The following CUX1 variants were observed in gnomAD, a reference collection of about 807,000 sequenced individuals.
The protein encoded by CUX1 is protein CASP.
Under a neutral mutation model 158.8 loss-of-function variants are expected in CUX1, and 31 were observed. That is an observed-to-expected ratio of 0.20 (90% confidence interval 0.15 to 0.26). The LOEUF is 0.26. CUX1 is among the 10% of genes least tolerant of loss of function. The pLI, the probability that CUX1 is intolerant of heterozygous loss-of-function variation, is 1.00. For synonymous variants in CUX1, 879 were observed against 862.1 expected (o/e 1.02, Z -0.34); for missense variants, 1,589 against 2,014.6 (o/e 0.79, Z 4.04).
At chr7:101,972,795 G>C (rs1374369153) in intron 2 of CUX1, among the ~76,000 whole-genome samples, 1 of 152,214 alleles carries the variant, frequency 6.6e-6, no homozygotes, top group East Asian at 1.9e-4. Context: ...CTGTCAGTAG[G>C]TGTCAGGAGG....
At chr7:101,997,192 G>C (rs1415475742) in intron 2 of CUX1, among the ~76,000 whole-genome samples, 1 of 151,732 alleles carries the variant, frequency 6.6e-6, no homozygotes, top group African/African-American at 2.4e-5. Context: ...GACAAATCAG[G>C]TTCTCCCCGT....
chr7:101,917,209 A>G (rs933545554), intron 2 of CUX1, among the ~76,000 whole-genome samples: 3 of 152,226 alleles, frequency 2.0e-5, no homozygotes, highest in South Asian at 4.1e-4. Flanking sequence ...TACTTACATA[A>G]TATTGCTGGG....
chr7:102,248,307 T>C lies in CUX1; in HGVS notation c.3888-105T>C. 1 of 1,113,194 alleles carries C rather than the reference T, an allele frequency of 9.0e-7. No individual in the cohort carries two copies. Among genetic ancestry groups the C allele is most frequent in the East Asian group, 3.0e-5 (1 of 33,082 alleles). The allele number at this position is 1,113,194 out of a possible 1,614,324, so 69.0% of individuals were successfully genotyped here. On this transcript the variant is annotated intron_variant, in intron 23 of 23. Coordinates refer to ENST00000292535, the MANE Select transcript of CUX1 (RefSeq NM_181552.4). The surrounding 1 kb of genome is among the most constrained non-coding windows in gnomAD (Gnocchi z 5.8). The stretch of plus-strand genomic sequence containing the variant: ...GAGGGGCACGGAGGGGCCTCCAGGC[T>C]GGACGGAGCAGGAGCCCCAGAGAGA...
intron 1 of CUX1, among the ~76,000 whole-genome samples, chr7:101,890,619 T>G (rs1800778893): frequency 6.6e-6 from 1 of 152,114 alleles, no homozygotes; most frequent in South Asian, 2.1e-4. Flanking sequence ...GGAAAAACGG[T>G]GAGTCCCTTT....
intron 16 of CUX1, 29 bp from the exon 17 acceptor site, chr7:102,200,042 G>T: frequency 1.3e-6 from 2 of 1,582,044 alleles, no homozygotes; most frequent in African/African-American, 1.4e-5. Flanking sequence ...GTTTGGGTTT[G>T]ATGTCATTGG....
At chr7:102,224,144 G>C (rs1451513154) in intron 20 of CUX1, among the ~76,000 whole-genome samples, 1 of 152,230 alleles carries the variant, frequency 6.6e-6, no homozygotes, top group Admixed American at 6.5e-5. Context: ...GCAGATGTCT[G>C]TTGGCGAGTA....
chr7:102,014,097 C>T (rs1299397593), intron 2 of CUX1, among the ~76,000 whole-genome samples: 2 of 152,098 alleles, frequency 1.3e-5, no homozygotes, highest in Admixed American at 6.6e-5. Context: ...CCGTGTGTAT[C>T]CTTCAGGTCC....
chr7:102,005,480 G>A (rs930750639), intron 2 of CUX1, among the ~76,000 whole-genome samples: 1 of 152,138 alleles, frequency 6.6e-6, no homozygotes, highest in African/African-American at 2.4e-5. Context: ...AACCACAGGT[G>A]TGCACCACTG....
chr7:102,178,494 G>T lies in CUX1; in HGVS notation c.854G>T (p.Arg285Leu). The change falls in exon 11 of 24, where the codon CGC becomes CTC. Residue 285 changes from arginine (R) to leucine (L), a missense_variant. Physicochemically the swap from Arg to Leu is moderately radical, Grantham distance 102. This residue lies in a region of CUX1 where 515 missense variants were observed against 574.4 expected (regional missense o/e 0.90). Transcript: ENST00000292535. ...DVEQAIEVLT[R>L]SSLEVELAAK... ...GAGCAGGCCATAGAGGTGCTGACCC[G>T]CTCCAGCCTAGAAGTTGAGTTGGCC... The T allele has an allele frequency of 1.9e-6, 3 of 1,610,240 alleles. No individual in the cohort carries two copies. Among genetic ancestry groups the T allele is most frequent in the Non-Finnish European group, 2.5e-6 (3 of 1,177,008 alleles).
chr7:101,874,594 C>T (rs1170153242), intron 1 of CUX1, among the ~76,000 whole-genome samples: 1 of 152,162 alleles, frequency 6.6e-6, no homozygotes, highest in Non-Finnish European at 1.5e-5. Flanking sequence ...GCGGTATCAT[C>T]CTGGTTTTTC....
rs149595180 is a variant in CUX1, at chr7:101,875,943, A to G, written c.31-40172A>G. Reference sequence around the variant, plus strand: ...TATGGTGAAGGGAGTAAAGATGGCCATGAATCCTATGACTGCCGATGGTTT... The same window carrying G: ...TATGGTGAAGGGAGTAAAGATGGCCGTGAATCCTATGACTGCCGATGGTTT... On this transcript the variant is annotated intron_variant, in intron 1 of 23. Coordinates refer to ENST00000292535, the MANE Select transcript of CUX1 (RefSeq NM_181552.4). 6.8e-3 allele frequency among the ~76,000 whole-genome samples: 1,040 copies of G among 152,312 alleles called. 14 individuals carry two copies. The highest frequency in any genetic ancestry group is 0.024 in the African/African-American group (992 of 41,560).
At position 102,104,416 on chromosome 7, in the gene CUX1, G is replaced by A. The variant is rs781895519; in HGVS notation, c.487G>A (p.Glu163Lys). The A allele has an allele frequency of 3.1e-6, 5 of 1,612,904 alleles. No individual in the cohort carries two copies. The highest frequency in any genetic ancestry group is 4.5e-5 in the East Asian group (2 of 44,876). The change falls in exon 6 of 24, where the codon GAG becomes AAG. Residue 163 changes from glutamate (E) to lysine (K), a missense_variant. Physicochemically the swap from Glu to Lys is moderately conservative, Grantham distance 56 (BLOSUM62 1). Coordinates refer to ENST00000292535, the MANE Select transcript of CUX1 (RefSeq NM_181552.4). ...GAACCAAGCCGAAACCATAGCTCTT[G>A]AGAAGGAACAGAAGTTACAGAATGA... Reference protein sequence around the residue: ...LKNQAETIALEKEQKLQNDFA... With the variant: ...LKNQAETIALKKEQKLQNDFA...
At chr7:101,943,762 T>C (rs1269823520) in intron 2 of CUX1, among the ~76,000 whole-genome samples, 1 of 151,934 alleles carries the variant, frequency 6.6e-6, no homozygotes, top group Non-Finnish European at 1.5e-5. Flanking sequence ...TGATCTAATA[T>C]TGGTCTCTGC....
intron 2 of CUX1, among the ~76,000 whole-genome samples, chr7:102,003,334 A>ACG (rs1554448404): frequency 2.0e-5 from 3 of 146,658 alleles, no homozygotes; most frequent in African/African-American, 7.8e-5. Flanking sequence ...ACACACACAC[A>ACG]CGCCCGCCCC....
intron 6 of CUX1, among the ~76,000 whole-genome samples, chr7:102,107,908 T>C (rs907003387): frequency 1.8e-4 from 27 of 152,308 alleles, no homozygotes; most frequent in Admixed American, 1.5e-3. Context: ...GCATCCATCG[T>C]CCCTGGGGGA....
At chr7:102,046,702 G>A (rs934664083) in intron 3 of CUX1, among the ~76,000 whole-genome samples, 1 of 151,100 alleles carries the variant, frequency 6.6e-6, no homozygotes, top group Non-Finnish European at 1.5e-5. Context: ...TCAGCCTCCT[G>A]AGTGGCTGGG....
At position 101,871,169 on chromosome 7, in the gene CUX1, C is replaced by G. The variant is rs1253709418; in HGVS notation, c.31-44946C>G. On this transcript the variant is annotated intron_variant, in intron 1 of 23. Transcript: ENST00000292535. ...TCCTAGCATCCGTGGTTCAGGAGATCCTGCTACATTTTCCTGACTGCCTTG... is the reference window on the plus strand; with the variant it reads ...TCCTAGCATCCGTGGTTCAGGAGATGCTGCTACATTTTCCTGACTGCCTTG... 2.6e-5 allele frequency among the ~76,000 whole-genome samples: 4 copies of G among 152,166 alleles called. No individual in the cohort carries two copies. The East Asian group carries it at 7.7e-4, about 29-fold the overall frequency.
At chr7:101,978,518 G>T (rs563782860) in intron 2 of CUX1, among the ~76,000 whole-genome samples, 41 of 152,328 alleles carry the variant, frequency 2.7e-4, no homozygotes, top group African/African-American at 9.6e-4. Context: ...CACCACTTCC[G>T]TTCTTGGCTG....
At chr7:102,279,827 C>T (rs797040922) in intron 18 of CUX1, among the ~76,000 whole-genome samples, 52 of 152,344 alleles carry the variant, frequency 3.4e-4, no homozygotes, top group African/African-American at 1.2e-3. Context: ...GGCCCTGACC[C>T]CATGGGTAAC....
Sources: gnomAD v4.1 joint callset for allele counts (sites outside exome capture counted in the v4.1 genomes callset) on GRCh38, gnomAD v4.1.1 for gene constraint, gnomAD v4.1.1 regional missense constraint, Gnocchi (gnomAD v3.1) non-coding constraint, MANE v1.5 for transcripts, NCBI Gene and HGNC (gene_info 2026-07-23, HGNC 2026-07-21) for gene names.